The following TOX2 variants were observed in gnomAD, a reference collection of about 807,000 sequenced individuals.
TOX2 encodes granulosa cell HMG box 1.
Under a neutral mutation model 47.4 loss-of-function variants are expected in TOX2, and 15 were observed. That is an observed-to-expected ratio of 0.32 (90% CI 0.21 to 0.49). TOX2 has a LOEUF of 0.49. TOX2 is among the 20% of genes least tolerant of loss of function. The probability of loss-of-function intolerance (pLI) is 0.99; values close to 1 mark genes in which losing one functional copy is unlikely to be tolerated. For missense variants in TOX2, 622 were observed against 673.1 expected (o/e 0.92, Z 0.84); for synonymous variants, 290 against 296.6 (o/e 0.98, Z 0.23).
intron 2 of TOX2, among the ~76,000 whole-genome samples, chr20:44,001,693 TGCTCTGTGC>T: frequency 6.3e-5 from 1 of 16,000 alleles, no homozygotes; most frequent in South Asian, 2.4e-3. Flanking sequence ...TGCCAGCACC[TGCTCTGTGC>T]CAGCACCTAT....
chr20:44,068,917 A>C lies in TOX2; in HGVS notation c.*231A>C. 2.9e-6 allele frequency: 2 copies of C among 687,932 alleles called. No homozygotes were observed. The highest frequency in any genetic ancestry group is 5.4e-6 in the Non-Finnish European group (2 of 371,198). The allele number at this position is 687,932 out of a possible 1,614,324, so 42.6% of individuals were successfully genotyped here. On this transcript the variant is annotated 3_prime_UTR_variant, in exon 9 of 9. Transcript: ENST00000341197. ...ACCTGCAGGAACCTTCCGCCCGCTG[A>C]CCTGCTTGCTCCAGGGTAACTGTGG...
intron 1 of TOX2, among the ~76,000 whole-genome samples, chr20:43,939,820 C>A (rs1249650239): frequency 6.6e-6 from 1 of 152,184 alleles, no homozygotes; most frequent in African/African-American, 2.4e-5. Context: ...CAGTGCCTGG[C>A]ACAGAGTAGA....
intron 1 of TOX2, among the ~76,000 whole-genome samples, chr20:43,955,797 T>C (rs1484303171): frequency 6.6e-6 from 1 of 152,242 alleles, no homozygotes; most frequent in East Asian, 1.9e-4. Flanking sequence ...TATTATTGTG[T>C]TAGCCAGTGT....
chr20:43,939,569 T>C (rs1167885150), intron 1 of TOX2, among the ~76,000 whole-genome samples: 5 of 152,148 alleles, frequency 3.3e-5, no homozygotes, highest in African/African-American at 1.2e-4. Flanking sequence ...GAGGCTGGAA[T>C]GTGGCATTGT....
At chr20:43,995,456 T>C (rs2070457071) in intron 2 of TOX2, among the ~76,000 whole-genome samples, 1 of 152,228 alleles carries the variant, frequency 6.6e-6, no homozygotes, top group African/African-American at 2.4e-5. Flanking sequence ...TCATTTTCTG[T>C]TGTGAAAACA....
At chr20:44,048,176 G>A (rs1186864224) in intron 3 of TOX2, among the ~76,000 whole-genome samples, 1 of 151,856 alleles carries the variant, frequency 6.6e-6, no homozygotes, top group Non-Finnish European at 1.5e-5. Context: ...GGTGAGCCGA[G>A]ATAGCATCAC....
intron 3 of TOX2, among the ~76,000 whole-genome samples, chr20:44,038,727 G>A (rs2071280064): frequency 6.6e-6 from 1 of 152,152 alleles, no homozygotes; most frequent in East Asian, 1.9e-4. Context: ...ACGCAGGGTG[G>A]CTGCCAGCTC....
intron 1 of TOX2, among the ~76,000 whole-genome samples, chr20:43,971,328 C>T (rs1294077446): frequency 6.6e-6 from 1 of 152,152 alleles, no homozygotes; most frequent in Admixed American, 6.5e-5. Flanking sequence ...TAGAAGGTAA[C>T]AGGGACTTCG....
At chr20:44,038,261 G>T (rs568606800) in intron 3 of TOX2, among the ~76,000 whole-genome samples, 1 of 152,038 alleles carries the variant, frequency 6.6e-6, no homozygotes, top group Admixed American at 6.6e-5. Context: ...GCCGGGTTCC[G>T]TGGCTCCACC....
chr20:44,025,358 G>A lies in TOX2; in HGVS notation c.411+18566G>A, dbSNP rs542168734. On this transcript the variant is annotated intron_variant, in intron 3 of 8. Transcript: ENST00000341197. ...GCACCCCCATGTCCATTCGTCGTTG[G>A]CCAGAGATTGGGGGATGGAGTGACC... Among the ~76,000 whole-genome samples the A allele has an allele frequency of 2.7e-5, 4 of 150,596 alleles. No homozygotes were observed. In the East Asian group the frequency reaches 6.1e-4, roughly 23 times the overall value.
chr20:43,988,492 A>G (rs1334622696), intron 2 of TOX2, among the ~76,000 whole-genome samples: 1 of 152,246 alleles, frequency 6.6e-6, no homozygotes, highest in East Asian at 1.9e-4. Flanking sequence ...TCATTGCCTC[A>G]GTTTCTGCAG....
At chr20:43,966,988 C>A (rs6093905) in intron 1 of TOX2, among the ~76,000 whole-genome samples, 1 of 152,054 alleles carries the variant, frequency 6.6e-6, no homozygotes. Context: ...TTTGTGGTGC[C>A]TGTGTGTGCC....
intron 5 of TOX2, among the ~76,000 whole-genome samples, chr20:44,061,447 TC>T (rs1341924551): frequency 1.3e-5 from 2 of 152,064 alleles, no homozygotes; most frequent in African/African-American, 4.8e-5. Flanking sequence ...ATGCCCAAAA[TC>T]AGCATAGAAG....
At chr20:43,970,635 A>T (rs533940392) in intron 1 of TOX2, among the ~76,000 whole-genome samples, 19 of 152,354 alleles carry the variant, frequency 1.2e-4, no homozygotes, top group Admixed American at 1.1e-3. Flanking sequence ...TGTGATTTTT[A>T]AAAAATTTTA....
chr20:44,012,727 T>C (rs997412506), intron 3 of TOX2, among the ~76,000 whole-genome samples: 1 of 152,216 alleles, frequency 6.6e-6, no homozygotes. Context: ...AATTGTTTTG[T>C]TAGCAGTGAC....
intron 2 of TOX2, among the ~76,000 whole-genome samples, chr20:43,978,120 T>C (rs6017231): frequency 0.12 from 18,633 of 152,234 alleles, 1,324 homozygotes; most frequent in African/African-American, 0.19. Context: ...ACCAGAGTCC[T>C]GCTCATCATT....
At chr20:44,057,446 A>G (rs1480827148) in intron 5 of TOX2, among the ~76,000 whole-genome samples, 2 of 152,120 alleles carry the variant, frequency 1.3e-5, no homozygotes, top group Admixed American at 1.3e-4. Context: ...TTCCTATTTT[A>G]CTATTAATAC....
intron 1 of TOX2, among the ~76,000 whole-genome samples, chr20:43,918,651 G>A (rs184286576): frequency 2.1e-4 from 32 of 152,248 alleles, no homozygotes; most frequent in African/African-American, 7.5e-4. Flanking sequence ...CATCCACGAT[G>A]TTGTATATAT....
chr20:43,995,400 T>A (rs2070455471), intron 2 of TOX2, among the ~76,000 whole-genome samples: 1 of 152,226 alleles, frequency 6.6e-6, no homozygotes, highest in Admixed American at 6.5e-5. Flanking sequence ...GTTACAGTGC[T>A]AGGAGCTCAG....
Sources: gnomAD v4.1 joint callset for allele counts (sites outside exome capture counted in the v4.1 genomes callset) on GRCh38, gnomAD v4.1.1 for gene constraint, MANE v1.5 for transcripts, NCBI Gene and HGNC (gene_info 2026-07-23, HGNC 2026-07-21) for gene names.